DLG2: variants seen among roughly 807,000 people sequenced by gnomAD.
The protein encoded by DLG2 is discs large MAGUK scaffold protein 2, also known as disks large homolog 2.
In DLG2, 45 loss-of-function variants were observed where a neutral mutation model predicts 132.5. The observed-to-expected ratio is 0.34, with a 90% CI of 0.27 to 0.44. The LOEUF is 0.44. DLG2 is among the 20% of genes least tolerant of loss of function. The probability of loss-of-function intolerance (pLI) is 1.00; values close to 1 mark genes in which losing one functional copy is unlikely to be tolerated. For synonymous variants in DLG2, 424 were observed against 419.6 expected, an observed-to-expected ratio of 1.01 and a Z score of -0.13; for missense variants, 1,045 against 1,196.9, an observed-to-expected ratio of 0.87 and a Z score of 1.87.
chr11:84,104,928 G>GA (rs1471506648), intron 9 of DLG2, among the ~76,000 whole-genome samples: 1 of 151,896 alleles, frequency 6.6e-6, no homozygotes, highest in African/African-American at 2.4e-5. Flanking sequence ...TTATATATTA[G>GA]AATGAAAAAC....
chr11:85,252,744 T>C (rs562486335), intron 4 of DLG2, among the ~76,000 whole-genome samples: 1 of 152,072 alleles, frequency 6.6e-6, no homozygotes, highest in African/African-American at 2.4e-5. Flanking sequence ...ATATACAGAA[T>C]TGTAGGGAAT....
intron 2 of DLG2, among the ~76,000 whole-genome samples, chr11:85,599,515 TCTTA>T (rs3068384): frequency 0.13 from 19,265 of 152,104 alleles, 1,459 homozygotes; most frequent in East Asian, 0.28. Context: ...ATGACCCAGA[TCTTA>T]CTTACTAGCT....
chr11:83,843,745 C>T (rs899175299), intron 16 of DLG2, among the ~76,000 whole-genome samples: 1 of 151,994 alleles, frequency 6.6e-6, no homozygotes, highest in East Asian at 1.9e-4. Context: ...TAATGTTTGT[C>T]TCATGGGGAA....
intron 7 of DLG2, among the ~76,000 whole-genome samples, chr11:84,455,458 A>T (rs899683366): frequency 2.6e-5 from 4 of 151,298 alleles, no homozygotes; most frequent in African/African-American, 9.7e-5. Context: ...TTGCTTAGGA[A>T]ACAAAATTTA....
chr11:84,581,025 C>A (rs184622330), intron 6 of DLG2, among the ~76,000 whole-genome samples: 3 of 152,124 alleles, frequency 2.0e-5, no homozygotes, highest in Non-Finnish European at 4.4e-5. Context: ...GAGAGAAGCA[C>A]GAAAAAGCCA....
chr11:84,768,018 A>G (rs543569136), intron 6 of DLG2, among the ~76,000 whole-genome samples: 2 of 152,168 alleles, frequency 1.3e-5, no homozygotes, highest in African/African-American at 4.8e-5. Flanking sequence ...GGAGGACTCA[A>G]TCTGAGTCTC....
At chr11:85,202,611 A>G (rs889964681) in intron 4 of DLG2, among the ~76,000 whole-genome samples, 3 of 152,162 alleles carry the variant, frequency 2.0e-5, no homozygotes, top group African/African-American at 7.2e-5. Flanking sequence ...CCTCCAGCAC[A>G]TGGAACATTC....
chr11:83,614,264 A>G (rs577821623), intron 19 of DLG2, among the ~76,000 whole-genome samples: 1 of 152,336 alleles, frequency 6.6e-6, no homozygotes, highest in East Asian at 1.9e-4. Context: ...ACTGTCTGCA[A>G]TATGGGATAT....
chr11:84,240,113 C>G (rs996574505), intron 8 of DLG2, among the ~76,000 whole-genome samples: 1 of 152,206 alleles, frequency 6.6e-6, no homozygotes, highest in African/African-American at 2.4e-5. Context: ...TTGCTTTAAA[C>G]GGACGAACAA....
chr11:83,618,320 G>A (rs1202804542), intron 19 of DLG2, among the ~76,000 whole-genome samples: 1 of 152,008 alleles, frequency 6.6e-6, no homozygotes. Context: ...TATTTGATAT[G>A]TTTAATTTGA....
intron 9 of DLG2, among the ~76,000 whole-genome samples, chr11:84,132,553 T>G (rs2094459130): frequency 6.6e-6 from 1 of 152,022 alleles, no homozygotes; most frequent in African/African-American, 2.4e-5. Flanking sequence ...ACAATTTTTC[T>G]TTTAATATAG....
chr11:85,530,834 G>A (rs1171489175), intron 3 of DLG2, among the ~76,000 whole-genome samples: 1 of 152,174 alleles, frequency 6.6e-6, no homozygotes, highest in Non-Finnish European at 1.5e-5. Context: ...GTGGTTAGAA[G>A]TAGAGTTAAA....
intron 6 of DLG2, among the ~76,000 whole-genome samples, chr11:85,073,765 A>G (rs1394291504): frequency 3.3e-5 from 5 of 151,914 alleles, no homozygotes; most frequent in Admixed American, 6.6e-5. Context: ...TATCCAAAGG[A>G]ATATAAATAA....
At chr11:83,771,520 T>C (rs934271376) in intron 18 of DLG2, among the ~76,000 whole-genome samples, 1 of 152,310 alleles carries the variant, frequency 6.6e-6, no homozygotes, top group African/African-American at 2.4e-5. Context: ...CTAGGCTGTG[T>C]GGTATGGCCT....
At chr11:83,888,682 T>C (rs7926735) in intron 15 of DLG2, among the ~76,000 whole-genome samples, 122,804 of 152,078 alleles carry the variant, frequency 0.81, 50,023 homozygotes, top group East Asian at 0.93. Flanking sequence ...AGGCATCACG[T>C]TACCTGACTT....
intron 4 of DLG2, among the ~76,000 whole-genome samples, chr11:85,278,508 G>C (rs986190963): frequency 6.6e-6 from 1 of 152,052 alleles, no homozygotes; most frequent in Non-Finnish European, 1.5e-5. Flanking sequence ...GCTGAGGCGG[G>C]AGAATCGCTT....
chr11:84,589,942 T>C (rs1380739871), intron 6 of DLG2, among the ~76,000 whole-genome samples: 1 of 152,240 alleles, frequency 6.6e-6, no homozygotes, highest in Non-Finnish European at 1.5e-5. Context: ...AGGCAAATAC[T>C]GCAGTCTTTT....
chr11:83,802,660 T>A (rs1441872184), intron 17 of DLG2, among the ~76,000 whole-genome samples: 1 of 152,166 alleles, frequency 6.6e-6, no homozygotes, highest in African/African-American at 2.4e-5. Context: ...ATTCATATAA[T>A]GGAATACTAT....
chr11:83,651,173 A>T (rs1240966207), intron 18 of DLG2, among the ~76,000 whole-genome samples: 1 of 152,218 alleles, frequency 6.6e-6, no homozygotes, highest in Non-Finnish European at 1.5e-5. Flanking sequence ...TACCTAGTAC[A>T]TAATAGGTAC....
Sources: gnomAD v4.1 joint callset for allele counts (sites outside exome capture counted in the v4.1 genomes callset) on GRCh38, gnomAD v4.1.1 for gene constraint, MANE v1.5 for transcripts, NCBI Gene and HGNC (gene_info 2026-07-23, HGNC 2026-07-21) for gene names.